CEP68: variants seen among roughly 807,000 people sequenced by gnomAD.
CEP68 encodes the protein centrosomal protein 68, also known as centrosomal protein of 68 kDa.
CEP68 carries 26 observed loss-of-function variants against 55.3 expected under a neutral mutation model. The ratio of observed to expected loss-of-function variants is 0.47; its 90% CI spans 0.34 to 0.65. CEP68 has a LOEUF of 0.65. CEP68 is among the 30% of genes least tolerant of loss of function. CEP68 has a pLI of 0.01. For synonymous variants in CEP68, 402 were observed against 383.2 expected (o/e 1.05, Z -0.57); for missense variants, 957 against 946.7 (o/e 1.01, Z -0.14).
chr2:65,081,221 AAAAAAG>A (rs1167999894), intron 5 of CEP68, among the ~76,000 whole-genome samples: 282 of 152,152 alleles, frequency 1.9e-3, no homozygotes, highest in African/African-American at 6.1e-3. Context: ...CAAAAAAAAA[AAAAAAG>A]AAACTGGAGG....
chr2:65,074,083 T>C, intron 3 of CEP68, 199 bp from the exon 4 acceptor site: 1 of 557,144 alleles, frequency 1.8e-6, no homozygotes. Context: ...TCATTTTTGA[T>C]GTCACACCAG....
At position 65,060,763 on chromosome 2, in the gene CEP68, T is replaced by A. The variant is rs1675873675; in HGVS notation, c.-47+4235T>A. On this transcript the variant is annotated intron_variant, in intron 1 of 6. Coordinates refer to ENST00000377990, the MANE Select transcript of CEP68 (RefSeq NM_015147.3). ...ATTCAGCCCTCAGCATCCTTGTACA[T>A]TGAGCTTTGTTACACATGGACACTC... 2.6e-5 allele frequency among the ~76,000 whole-genome samples: 4 copies of A among 152,188 alleles called. No individual in the cohort carries two copies. In the South Asian group the frequency reaches 8.3e-4, roughly 32 times the overall value.
chr2:65,078,651 T>C (rs745878289), intron 5 of CEP68, among the ~76,000 whole-genome samples: 3 of 152,164 alleles, frequency 2.0e-5, no homozygotes, highest in Non-Finnish European at 2.9e-5. Context: ...AAGTGATTCT[T>C]CTGCCTCAGC....
In CEP68 at chr2:65,072,549, C is replaced by G; in HGVS notation, c.1453C>G (p.Leu485Val). The stretch of plus-strand genomic sequence containing the variant: ...GGAAAGTGATGACGAGTATCTTGCC[C>G]TCCCCGCTCGGCTGACACAGGTTTC... ...EVESDDEYLALPARLTQVSSL... is the reference protein window; with the variant it reads ...EVESDDEYLAVPARLTQVSSL... Residue 485 changes from leucine to valine, a missense_variant, in exon 3 of 7, where the codon CTC (leucine) becomes GTC (valine). By Grantham distance (32) the Leu-to-Val change is conservative (BLOSUM62 1). Coordinates refer to ENST00000377990, the MANE Select transcript of CEP68 (RefSeq NM_015147.3). 1 of 1,614,108 alleles carries G rather than the reference C, an allele frequency of 6.2e-7. No individual in the cohort carries two copies. Among genetic ancestry groups the G allele is most frequent in the Non-Finnish European group, 8.5e-7 (1 of 1,180,016 alleles).
chr2:65,069,387 CCT>C lies in CEP68; in HGVS notation c.-46-11_-46-10del, dbSNP rs767761966. ...AGATTTATATTTTTCTCTCCCTTCC[CCT>C]GTTTTGTAGGAAGCTGAAGTCTTCA... On this transcript the variant is annotated splice_polypyrimidine_tract_variant and intron_variant, in intron 1 of 6. Coordinates refer to ENST00000377990, the MANE Select transcript of CEP68 (RefSeq NM_015147.3). The C allele has an allele frequency of 7.6e-5, 98 of 1,285,718 alleles. No homozygotes were observed. The African/African-American group carries it at 8.4e-4, about 11-fold the overall frequency. 79.6% of individuals were successfully genotyped at this position (1,285,718 alleles called of 1,614,324 possible).
At chr2:65,078,695 C>G (rs1449520076) in intron 5 of CEP68, among the ~76,000 whole-genome samples, 1 of 151,954 alleles carries the variant, frequency 6.6e-6, no homozygotes, top group South Asian at 2.1e-4. Context: ...GCATGCGCCA[C>G]CATGCCCGGC....
chr2:65,058,490 T>A (rs1675756043), intron 1 of CEP68, among the ~76,000 whole-genome samples: 2 of 141,394 alleles, frequency 1.4e-5, no homozygotes, highest in African/African-American at 5.4e-5. Context: ...GATGGCTGAT[T>A]TTTTTCCTTT....
At chr2:65,069,257 G>A (rs889800333) in intron 1 of CEP68, 142 bp from the exon 2 acceptor site, 2 of 502,784 alleles carry the variant, frequency 4.0e-6, no homozygotes, top group Non-Finnish European at 7.1e-6. Context: ...CCGGAACTCG[G>A]TGCTCCTCTG....
chr2:65,058,497 C>CTTTTTTTT, intron 1 of CEP68, among the ~76,000 whole-genome samples: 1 of 75,682 alleles, frequency 1.3e-5, no homozygotes, highest in Non-Finnish European at 2.3e-5. Flanking sequence ...GATTTTTTTC[C>CTTTTTTTT]TTTTTTTTTT....
intron 3 of CEP68, chr2:65,073,560 G>C (rs181875897): frequency 2.1e-4 from 35 of 163,020 alleles, no homozygotes; most frequent in Admixed American, 1.9e-3. Context: ...TCAGGCATCT[G>C]AATTTGAAAC....
chr2:65,069,822 G>A (rs1195326812), intron 2 of CEP68, 21 bp downstream of exon 2: 1 of 1,586,264 alleles, frequency 6.3e-7, no homozygotes, highest in Non-Finnish European at 8.7e-7. Flanking sequence ...AGGCAAGACT[G>A]TAGATGGACC....
chr2:65,060,280 A>G (rs1435107303), intron 1 of CEP68, among the ~76,000 whole-genome samples: 2 of 152,154 alleles, frequency 1.3e-5, no homozygotes, highest in Non-Finnish European at 2.9e-5. Flanking sequence ...ATGTCTGCTG[A>G]ATGGAGACAG....
chr2:65,079,211 AT>A (rs1364485591), intron 5 of CEP68, among the ~76,000 whole-genome samples: 1 of 152,232 alleles, frequency 6.6e-6, no homozygotes, highest in Non-Finnish European at 1.5e-5. Context: ...CCTGACCAGC[AT>A]GGTGGGCAGG....
At chr2:65,082,849 A>G in intron 6 of CEP68, 140 bp downstream of exon 6, 1 of 683,824 alleles carries the variant, frequency 1.5e-6, no homozygotes, top group Non-Finnish European at 2.3e-6. Context: ...GTACTAAAAA[A>G]GGAGTTGCTG....
At chr2:65,070,808 G>A (rs1208119167) in intron 2 of CEP68, 2 of 152,868 alleles carry the variant, frequency 1.3e-5, no homozygotes, top group Non-Finnish European at 2.9e-5. Context: ...CTTCTGAGGA[G>A]CTGGTGCTAT....
chr2:65,081,256 AC>A (rs1677000853), intron 5 of CEP68, among the ~76,000 whole-genome samples: 1 of 148,176 alleles, frequency 6.7e-6, no homozygotes, highest in Non-Finnish European at 1.5e-5. Context: ...CAGCCCAGCC[AC>A]CCTTACAGCC....
At chr2:65,082,239 A>G (rs1558570255) in intron 5 of CEP68, among the ~76,000 whole-genome samples, 1 of 152,242 alleles carries the variant, frequency 6.6e-6, no homozygotes, top group Non-Finnish European at 1.5e-5. Flanking sequence ...AAAGTCAGGT[A>G]ATACCAGCCA....
In CEP68 at chr2:65,072,052, T is replaced by C. The variant is rs200251289; in HGVS notation, c.956T>C (p.Leu319Pro). The change falls in exon 3 of 7, where the codon CTT (leucine) becomes CCT (proline). Residue 319 changes from leucine to proline, a missense_variant. Leu to Pro is a moderately conservative substitution (Grantham distance 98, BLOSUM62 -3). Transcript: ENST00000377990. ...LRPGPQLPKH[L>P]DSRVPADPVL... ...CCCGGGCCTCAGCTCCCAAAGCACC[T>C]TGATAGCCGTGTGCCAGCTGACCCT... 89 of 1,613,692 alleles carry C rather than the reference T, an allele frequency of 5.5e-5. 1 individual carries two copies. In the Admixed American group the frequency reaches 6.5e-4, roughly 12 times the overall value.
chr2:65,078,202 G>A (rs1362814554), intron 5 of CEP68, among the ~76,000 whole-genome samples: 1 of 152,196 alleles, frequency 6.6e-6, no homozygotes, highest in African/African-American at 2.4e-5. Flanking sequence ...ATTAGGCATT[G>A]AGCCTGCAAG....
Sources: allele counts gnomAD v4.1 joint callset (sites outside exome capture counted in the v4.1 genomes callset), GRCh38; gene constraint gnomAD v4.1.1; transcripts MANE v1.5; gene names NCBI Gene and HGNC (gene_info 2026-07-23, HGNC 2026-07-21).